The following MYCBP2 variants were observed in gnomAD, a reference collection of about 807,000 sequenced individuals.
MYCBP2 encodes the protein E3 ubiquitin-protein ligase MYCBP2.
Under a neutral mutation model 525.3 loss-of-function variants are expected in MYCBP2, and 120 were observed. That is an observed-to-expected ratio of 0.23 (90% CI 0.20 to 0.27). The LOEUF is 0.27. Among genes scored for constraint, MYCBP2 ranks in the 10% least tolerant of loss-of-function variants. The pLI is 1.00. For synonymous variants in MYCBP2, 1,894 were observed against 1,955.8 expected, an observed-to-expected ratio of 0.97 and a Z score of 0.83; for missense variants, 4,149 against 5,657.1, an observed-to-expected ratio of 0.73 and a Z score of 8.55.
chr13:77,223,236 T>C (rs1680807907), intron 20 of MYCBP2, among the ~76,000 whole-genome samples: 2 of 152,318 alleles, frequency 1.3e-5, no homozygotes, highest in South Asian at 4.1e-4. Context: ...AAGGTATGAA[T>C]GTTGGTCTAT....
intron 13 of MYCBP2, among the ~76,000 whole-genome samples, chr13:77,258,800 T>C (rs2072705623): frequency 6.6e-6 from 1 of 152,194 alleles, no homozygotes; most frequent in African/African-American, 2.4e-5. Context: ...TGCTAAGCAT[T>C]TCTTAAGTTC....
At chr13:77,251,493 C>G in intron 14 of MYCBP2, 138 bp from the exon 15 acceptor site, 1 of 702,936 alleles carries the variant, frequency 1.4e-6, no homozygotes, top group Non-Finnish European at 2.3e-6. Flanking sequence ...ATTTGAGTAA[C>G]AAAAATAAAT....
chr13:77,077,427 G>A (rs764888050), intron 66 of MYCBP2, 40 bp from the exon 67 acceptor site: 11 of 1,609,718 alleles, frequency 6.8e-6, no homozygotes, highest in Non-Finnish European at 9.3e-6. Flanking sequence ...GATTCAGCTG[G>A]ATCACTTTTA....
At chr13:77,284,763 T>C (rs891314836) in intron 3 of MYCBP2, among the ~76,000 whole-genome samples, 4 of 152,220 alleles carry the variant, frequency 2.6e-5, no homozygotes. Flanking sequence ...CGAGCACTTC[T>C]TTCTGCCAGG....
Position 77,088,903 on chromosome 13 carries a change from C to G in MYCBP2, c.10654G>C (p.Asp3552His). ...ATTGCTATTTCAAGACCTTCTAGAT[C>G]ATGATGTTGTATAACAAAAGCTAAA... Reference protein sequence around the residue: ...PVLAFVIQHHDLEGLEIAMKQ... With the variant: ...PVLAFVIQHHHLEGLEIAMKQ... Residue 3552 changes from aspartate (D) to histidine (H), a missense_variant, in exon 61 of 83, where the codon GAT becomes CAT. Physicochemically the swap from Asp to His is moderately conservative, Grantham distance 81. This residue lies in a region of MYCBP2 where 509 missense variants were observed against 789.4 expected (regional missense o/e 0.64). Coordinates refer to ENST00000544440, the MANE Select transcript of MYCBP2 (RefSeq NM_015057.5). The G allele has an allele frequency of 6.2e-7, 1 of 1,613,302 alleles. No individual in the cohort carries two copies. Among genetic ancestry groups the G allele is most frequent in the Non-Finnish European group, 8.5e-7 (1 of 1,179,556 alleles).
intron 1 of MYCBP2, among the ~76,000 whole-genome samples, chr13:77,316,612 T>C (rs2080970181): frequency 6.7e-6 from 1 of 149,346 alleles, no homozygotes; most frequent in South Asian, 2.1e-4. Context: ...TGAGTGTCAT[T>C]TCCTGGAGAA....
At chr13:77,232,885 C>T (rs1038022871) in intron 18 of MYCBP2, among the ~76,000 whole-genome samples, 1 of 152,010 alleles carries the variant, frequency 6.6e-6, no homozygotes, top group African/African-American at 2.4e-5. Context: ...TTCCACCTTC[C>T]CTTAACTTTT....
intron 21 of MYCBP2, among the ~76,000 whole-genome samples, chr13:77,217,600 C>A (rs181720505): frequency 7.2e-5 from 11 of 152,144 alleles, no homozygotes; most frequent in Admixed American, 2.6e-4. Context: ...ATAAACATGT[C>A]CAATTCTAAC....
At chr13:77,272,323 C>T (rs2075007583) in intron 5 of MYCBP2, 1 of 152,144 alleles carries the variant, frequency 6.6e-6, no homozygotes, top group South Asian at 2.1e-4. Flanking sequence ...TAGATCTCAC[C>T]TCATATCCTC....
intron 77 of MYCBP2, among the ~76,000 whole-genome samples, chr13:77,059,255 A>C (rs2038814570): frequency 6.6e-6 from 1 of 152,240 alleles, no homozygotes; most frequent in Non-Finnish European, 1.5e-5. Context: ...AATACAGTTC[A>C]TAAATTTTTA....
At chr13:77,259,172 G>C (rs1291595188) in intron 13 of MYCBP2, among the ~76,000 whole-genome samples, 2 of 152,122 alleles carry the variant, frequency 1.3e-5, no homozygotes, top group Non-Finnish European at 2.9e-5. Flanking sequence ...GGCTGAGGTG[G>C]GACAATCGCT....
intron 1 of MYCBP2, among the ~76,000 whole-genome samples, chr13:77,318,007 A>AT (rs1555483777): frequency 1.4e-4 from 21 of 148,408 alleles, no homozygotes; most frequent in South Asian, 6.4e-4. Context: ...ATAACATAAC[A>AT]GTGGGTCCCT....
At chr13:77,284,265 A>G (rs1312162368) in intron 3 of MYCBP2, among the ~76,000 whole-genome samples, 1 of 152,138 alleles carries the variant, frequency 6.6e-6, no homozygotes, top group Non-Finnish European at 1.5e-5. Context: ...CAAGAAACAG[A>G]AACCTCAGGC....
At chr13:77,068,414 A>AAAAAAAAAAAAAAAAAAAAAT in intron 70 of MYCBP2, 151 bp downstream of exon 70, 15 of 844,854 alleles carry the variant, frequency 1.8e-5, no homozygotes, top group East Asian at 5.4e-5. Flanking sequence ...ACAGTAAAAA[A>AAAAAAAAAAAAAAAAAAAAAT]GGGAGTAAAA....
intron 33 of MYCBP2, among the ~76,000 whole-genome samples, chr13:77,180,810 C>G (rs1301796958): frequency 6.6e-6 from 1 of 152,148 alleles, no homozygotes; most frequent in East Asian, 1.9e-4. Flanking sequence ...GCCCCAGCTA[C>G]TTGGGAGGCT....
At chr13:77,307,972 G>A (rs17067434) in intron 1 of MYCBP2, among the ~76,000 whole-genome samples, 1,610 of 151,978 alleles carry the variant, frequency 0.011, 26 homozygotes, top group African/African-American at 0.037. Flanking sequence ...CACTTCTAAT[G>A]TGAGCTATCT....
At position 77,081,771 on chromosome 13, in the gene MYCBP2, TAC is replaced by T. The variant is rs1436834977; in HGVS notation, c.11193+64_11193+65del. The T allele has an allele frequency of 2.6e-6, 4 of 1,552,564 alleles. No homozygotes were observed. The highest frequency in any genetic ancestry group is 3.8e-5 in the Admixed American group (2 of 52,074). ...AGGATCAAATTGATTATGAATAACTTACAGTTTCTCCTTTGATGTATTATTAA... is the reference window on the plus strand; with the variant it reads ...AGGATCAAATTGATTATGAATAACTTAGTTTCTCCTTTGATGTATTATTAA... On this transcript the variant is annotated intron_variant, in intron 64 of 82. Coordinates refer to ENST00000544440, the MANE Select transcript of MYCBP2 (RefSeq NM_015057.5). This position sits in a 1 kb window ranked among gnomAD's most constrained non-coding sequence, Gnocchi z 4.6.
In MYCBP2 at chr13:77,077,238, T is replaced by C. The variant is rs780038178; in HGVS notation, c.11634A>G (p.Thr3878=). Reference sequence around the variant, plus strand: ...TGGCTGAAATCTGGCCAGCTATTTTTGTGCTTTCACCATCTTTCCAGCCCA... The same window carrying C: ...TGGCTGAAATCTGGCCAGCTATTTTCGTGCTTTCACCATCTTTCCAGCCCA... ...KVLGWKDGES[T]KIAGQISASV... is the part of the protein sequence containing the mutation. The change falls in exon 67 of 83, where the codon ACA becomes ACG. Residue 3878 remains threonine (T), a synonymous_variant. Coordinates refer to ENST00000544440, the MANE Select transcript of MYCBP2 (RefSeq NM_015057.5). 1 of 1,614,094 alleles carries C rather than the reference T, an allele frequency of 6.2e-7. No individual in the cohort carries two copies. Among genetic ancestry groups the C allele is most frequent in the Admixed American group, 1.7e-5 (1 of 59,998 alleles).
intron 59 of MYCBP2, chr13:77,090,691 T>G (rs888078667): frequency 6.5e-6 from 1 of 152,918 alleles, no homozygotes; most frequent in African/African-American, 2.4e-5. Context: ...TTTCTTTTGG[T>G]GTCTTCAGTG....
Sources: allele counts gnomAD v4.1 joint callset (sites outside exome capture counted in the v4.1 genomes callset), GRCh38; gene constraint gnomAD v4.1.1; regional missense constraint gnomAD v4.1.1; non-coding constraint Gnocchi (gnomAD v3.1); transcripts MANE v1.5; gene names NCBI Gene and HGNC (gene_info 2026-07-23, HGNC 2026-07-21).